DHX8: variants seen among roughly 807,000 people sequenced by gnomAD.
DHX8 encodes the protein DEAH-box helicase 8, also known as ATP-dependent RNA helicase DHX8.
A neutral mutation model predicts 140.7 loss-of-function variants in DHX8; 67 were observed. The observed-to-expected ratio is 0.48, with a 90% CI of 0.39 to 0.58. DHX8 has a LOEUF of 0.58. Among genes scored for constraint, DHX8 ranks in the 20% least tolerant of loss-of-function variants. The pLI is 0.00. For synonymous variants in DHX8, 533 were observed against 553.2 expected, an observed-to-expected ratio of 0.96 and a Z score of 0.51; for missense variants, 887 against 1,550.7, an observed-to-expected ratio of 0.57 and a Z score of 7.19.
intron 18 of DHX8, chr17:43,518,953 G>A (rs1970246000): frequency 6.6e-6 from 1 of 152,186 alleles, no homozygotes; most frequent in Non-Finnish European, 1.5e-5. Context: ...TTCTAAGGGT[G>A]AATAGTATTC....
Position 43,492,869 on chromosome 17 carries a change from C to T in DHX8, c.692C>T (p.Pro231Leu), listed in dbSNP as rs1968616617. 6.2e-7 allele frequency: 1 copy of T among 1,614,096 alleles called. No individual in the cohort carries two copies. Among genetic ancestry groups the T allele is most frequent in the Non-Finnish European group, 8.5e-7 (1 of 1,180,016 alleles). ...CGGTCCAGGAGCAGGAGTCAGAGTC[C>T]CCCCAAAGACCGGAAGGACCGGGAC... is the stretch of plus-strand genomic sequence containing the variant. ...RYRSRSRSQS[P>L]PKDRKDRDKY... The change falls in exon 6 of 23, where the codon CCC becomes CTC. Residue 231 changes from proline to leucine, a missense_variant. By Grantham distance (98) the Pro-to-Leu change is moderately conservative. This residue lies in a region of DHX8 where 304 missense variants were observed against 306.9 expected (regional missense o/e 0.99). Transcript: ENST00000262415.
At chr17:43,529,204 C>T (rs943137216), downstream of DHX8, 5 of 1,613,904 alleles carry the variant, frequency 3.1e-6, no homozygotes, top group Non-Finnish European at 4.2e-6. Context: ...TCATGGCTGG[C>T]CGGTTCTTCT....
chr17:43,530,340 G>T (rs1970847987), downstream of DHX8: 3 of 1,478,578 alleles, frequency 2.0e-6, no homozygotes, highest in Admixed American at 2.3e-5. Context: ...AAATCCCAGG[G>T]AAAGTTCACC....
At chr17:43,503,208 A>G (rs1259025354) in intron 11 of DHX8, among the ~76,000 whole-genome samples, 1 of 152,114 alleles carries the variant, frequency 6.6e-6, no homozygotes, top group Non-Finnish European at 1.5e-5. Flanking sequence ...AAAAAAATAC[A>G]AAAATTAGTC....
intron 16 of DHX8, among the ~76,000 whole-genome samples, chr17:43,510,532 A>G (rs180856232): frequency 3.8e-4 from 58 of 152,298 alleles, no homozygotes; most frequent in Middle Eastern, 6.8e-3. Flanking sequence ...GATTACCTAT[A>G]ATACCTCATA....
At chr17:43,487,092 C>T (rs1968204645) in intron 1 of DHX8, among the ~76,000 whole-genome samples, 2 of 152,166 alleles carry the variant, frequency 1.3e-5, no homozygotes, top group Non-Finnish European at 2.9e-5. Context: ...CTCAAACCGT[C>T]AGCTTCCTCA....
In DHX8 at chr17:43,499,045, G is replaced by A. The variant is rs1969035488; in HGVS notation, c.1398+86G>A. ...GGGTCAGGTTATTAGATCTGCGTAAGTAGAACTTGGGCCACAGAAAGTATT... is the reference window on the plus strand; with the variant it reads ...GGGTCAGGTTATTAGATCTGCGTAAATAGAACTTGGGCCACAGAAAGTATT... On this transcript the variant is annotated intron_variant, in intron 10 of 22. Transcript: ENST00000262415. 7 of 991,234 alleles carry A rather than the reference G, an allele frequency of 7.1e-6. No individual in the cohort carries two copies. In the South Asian group the frequency reaches 9.4e-5, roughly 13 times the overall value. The allele number at this position is 991,234 out of a possible 1,614,324, so 61.4% of individuals were successfully genotyped here.
chr17:43,511,456 A>ATTTTTTTTTTTTTTTTTTTTTTTTTTT lies in DHX8; in HGVS notation c.2503-1887_2503-1886insTTTTTTTTTTTTTTTTTTTTTTTTTTT, dbSNP rs71160045. ...AGTGGCTTATGCCTGTGATCCCAGC[A>ATTTTTTTTTTTTTTTTTTTTTTTTTTT]TTTTTTTTTTTTTTTTTTTGAGACA... On this transcript the variant is annotated intron_variant, in intron 16 of 22. Transcript: ENST00000262415. Among the ~76,000 whole-genome samples, 10 of 56,790 alleles carry ATTTTTTTTTTTTTTTTTTTTTTTTTTT rather than the reference A, an allele frequency of 1.8e-4. 4 individuals carry two copies. Among genetic ancestry groups the ATTTTTTTTTTTTTTTTTTTTTTTTTTT allele is most frequent in the African/African-American group, 4.6e-4 (6 of 12,940 alleles). The allele number at this position is 56,790 out of a possible 152,430, so 37.3% of individuals were successfully genotyped here.
downstream of DHX8, chr17:43,530,148 G>A (rs759361652): frequency 3.8e-6 from 6 of 1,563,026 alleles, no homozygotes; most frequent in African/African-American, 5.5e-5. Flanking sequence ...GAAGCCCTCT[G>A]TGTGGAGGTA....
At position 43,521,529 on chromosome 17, in the gene DHX8, A is replaced by G; in HGVS notation, c.3227A>G (p.Gln1076Arg). The G allele has an allele frequency of 6.2e-7, 1 of 1,613,502 alleles. No homozygotes were observed. The highest frequency in any genetic ancestry group is 8.5e-7 in the Non-Finnish European group (1 of 1,179,630). ...FIQARSLRRA[Q>R]DIRKQMLGIM... ...CAGGCTCGTTCCCTGCGCCGGGCCC[A>G]GGACATTCGCAAGCAGATGTTAGGC... Residue 1076 changes from glutamine to arginine, a missense_variant, in exon 21 of 23, where the codon CAG (glutamine) becomes CGG (arginine). Coordinates refer to ENST00000262415, the MANE Select transcript of DHX8 (RefSeq NM_004941.3).
At chr17:43,501,591 C>T (rs972230491) in intron 11 of DHX8, among the ~76,000 whole-genome samples, 4 of 152,232 alleles carry the variant, frequency 2.6e-5, no homozygotes, top group African/African-American at 7.2e-5. Context: ...TCAAGTGATT[C>T]TCCTGCCTCA....
At chr17:43,533,253 C>T (rs753533432) in intron 2 of DHX8, 41 of 1,613,834 alleles carry the variant, frequency 2.5e-5, no homozygotes, top group Admixed American at 5.0e-5. Flanking sequence ...CAGGAAATTC[C>T]GTTGCTCTGC....
chr17:43,520,963 ACTT>A, intron 20 of DHX8, 84 bp downstream of exon 20: 21 of 656,012 alleles, frequency 3.2e-5, no homozygotes, highest in Admixed American at 5.6e-5. Context: ...CTTGATGTGG[ACTT>A]TTTTTTTTTT....
intron 17 of DHX8, among the ~76,000 whole-genome samples, chr17:43,515,395 G>A (rs920781467): frequency 6.6e-6 from 1 of 152,116 alleles, no homozygotes; most frequent in East Asian, 1.9e-4. Flanking sequence ...CACTGTCTTA[G>A]CCAGGATGGT....
At chr17:43,526,296 G>C (rs1970613718), downstream of DHX8, 1 of 1,389,714 alleles carries the variant, frequency 7.2e-7, no homozygotes, top group African/African-American at 1.4e-5. Flanking sequence ...GGCCATTAAA[G>C]TATATTGTTC....
intron 11 of DHX8, among the ~76,000 whole-genome samples, chr17:43,504,383 A>C (rs1324936665): frequency 6.6e-6 from 1 of 152,216 alleles, no homozygotes; most frequent in African/African-American, 2.4e-5. Flanking sequence ...AGTGTCAAGC[A>C]GTCAGGTCTT....
intron 1 of DHX8, among the ~76,000 whole-genome samples, chr17:43,484,945 A>G (rs1001993415): frequency 6.6e-6 from 1 of 151,838 alleles, no homozygotes; most frequent in East Asian, 1.9e-4. Flanking sequence ...GTCCTGTACT[A>G]TGTCTTAAAC....
chr17:43,505,321 A>ATCACTTGAC (rs1969427598), intron 12 of DHX8, among the ~76,000 whole-genome samples: 1 of 152,138 alleles, frequency 6.6e-6, no homozygotes, highest in African/African-American at 2.4e-5. Flanking sequence ...AGGCAGGAGA[A>ATCACTTGAC]TCGCTTGAAT....
chr17:43,542,208 A>C (rs994632050), intron 3 of DHX8, among the ~76,000 whole-genome samples: 2 of 152,128 alleles, frequency 1.3e-5, no homozygotes, highest in Non-Finnish European at 2.9e-5. Flanking sequence ...GCTATGGGTC[A>C]TTCTCTTCCT....
Sources: gnomAD v4.1 joint callset for allele counts (sites outside exome capture counted in the v4.1 genomes callset) on GRCh38, gnomAD v4.1.1 for gene constraint, gnomAD v4.1.1 regional missense constraint, MANE v1.5 for transcripts, NCBI Gene and HGNC (gene_info 2026-07-23, HGNC 2026-07-21) for gene names.